DSP: variants seen among roughly 807,000 people sequenced by gnomAD.
The protein encoded by DSP is desmoplakin.
A neutral mutation model predicts 290.6 loss-of-function variants in DSP; 114 were observed. The ratio of observed to expected loss-of-function variants is 0.39; its 90% confidence interval spans 0.34 to 0.46. The LOEUF (loss-of-function observed/expected upper bound fraction) is 0.46. Ranked by LOEUF, DSP falls within the 20% of genes least tolerant of loss-of-function variation. The pLI is 0.99. For synonymous variants in DSP, 1,311 were observed against 1,316.4 expected (o/e 1.00, Z 0.09); for missense variants, 3,230 against 3,495.8 (o/e 0.92, Z 1.92).
rs1369143334 is a variant in DSP, at chr6:7,542,926, T to G, written c.170+841T>G. Among the ~76,000 whole-genome samples, 20 of 136,698 alleles carry G rather than the reference T, an allele frequency of 1.5e-4. 1 individual carries two copies. The highest frequency in any genetic ancestry group is 5.2e-4 in the African/African-American group (19 of 36,748). 89.7% of individuals were successfully genotyped at this position (136,698 alleles called of 152,430 possible). On this transcript the variant is annotated intron_variant, in intron 1 of 23. Transcript: ENST00000379802. The stretch of plus-strand genomic sequence containing the variant: ...CGCATGTCTGCTTTGATCCAGAATG[T>G]GTGGGCAGGGGAGTGGGGGGGTGGG...
At chr6:7,573,140 TTATATG>T (rs749798867) in intron 15 of DSP, among the ~76,000 whole-genome samples, 3 of 146,482 alleles carry the variant, frequency 2.0e-5, no homozygotes, top group Non-Finnish European at 3.1e-5. Context: ...GTGTGTGTGT[TTATATG>T]TATGTATGTA....
chr6:7,562,603 T>C (rs1758730159), intron 4 of DSP, 49 bp from the exon 5 acceptor site: 4 of 1,612,604 alleles, frequency 2.5e-6, no homozygotes, highest in Non-Finnish European at 3.4e-6. Context: ...GTGAAACAGG[T>C]GCAAAGGGGC....
Position 7,581,203 on chromosome 6 carries a change from A to G in DSP, c.5013A>G (p.Glu1671=). The G allele has an allele frequency of 6.2e-7, 1 of 1,614,206 alleles. No homozygotes were observed. Among genetic ancestry groups the G allele is most frequent in the African/African-American group, 1.3e-5 (1 of 75,070 alleles). ...VEALRRQLLQ[E]QESVKQAHLR... is the part of the protein sequence containing the mutation. ...CCCTGAGGCGGCAGTTACTCCAGGA[A>G]CAGGAAAGTGTCAAACAAGCTCACT... Residue 1671 remains glutamate, a synonymous_variant, in exon 23 of 24, where the codon GAA becomes GAG. Coordinates refer to ENST00000379802, the MANE Select transcript of DSP (RefSeq NM_004415.4).
intron 15 of DSP, among the ~76,000 whole-genome samples, chr6:7,572,879 G>A (rs1026456845): frequency 6.6e-6 from 1 of 152,202 alleles, no homozygotes; most frequent in African/African-American, 2.4e-5. Context: ...GCATGTGACT[G>A]TCCTAAATAC....
intron 3 of DSP, 89 bp from the exon 4 acceptor site, chr6:7,559,137 A>T: frequency 6.9e-7 from 1 of 1,452,548 alleles, no homozygotes; most frequent in Non-Finnish European, 9.6e-7. Flanking sequence ...CTCTATTGAC[A>T]CAAAAGACTC....
intron 1 of DSP, among the ~76,000 whole-genome samples, chr6:7,542,820 T>G (rs1303134849): frequency 6.6e-6 from 1 of 152,164 alleles, no homozygotes; most frequent in African/African-American, 2.4e-5. Flanking sequence ...CCTGGGGCCC[T>G]GCCTCTGAGC....
At chr6:7,551,490 G>A (rs529283222) in intron 1 of DSP, among the ~76,000 whole-genome samples, 4 of 152,044 alleles carry the variant, frequency 2.6e-5, no homozygotes, top group African/African-American at 7.2e-5. Context: ...TTAGCTTTGC[G>A]TGGTGGCAGT....
intron 4 of DSP, among the ~76,000 whole-genome samples, chr6:7,562,190 A>G (rs1490360158): frequency 1.3e-5 from 2 of 152,182 alleles, no homozygotes; most frequent in African/African-American, 2.4e-5. Context: ...AAAGAAATAA[A>G]CAATGAAAGA....
intron 4 of DSP, among the ~76,000 whole-genome samples, chr6:7,562,234 G>C (rs1473763142): frequency 2.0e-5 from 3 of 152,030 alleles, no homozygotes; most frequent in African/African-American, 7.3e-5. Context: ...TTGGGGAACA[G>C]TGTATGATTG....
chr6:7,585,182 C>T lies in DSP; in HGVS notation c.7920C>T (p.Gly2640=), dbSNP rs770447003. 4 of 1,614,152 alleles carry T rather than the reference C, an allele frequency of 2.5e-6. No individual in the cohort carries two copies. The highest frequency in any genetic ancestry group is 3.4e-6 in the Non-Finnish European group (4 of 1,180,040). The change falls in exon 24 of 24, where the codon GGC becomes GGT. Residue 2640 remains glycine (G), a synonymous_variant. Coordinates refer to ENST00000379802, the MANE Select transcript of DSP (RefSeq NM_004415.4). The part of the protein sequence containing the change: ...KISITEGIER[G]IVDSITGQRL... ...CCATTACAGAAGGTATAGAGCGGGG[C>T]ATCGTTGACAGCATCACGGGTCAGA... is the stretch of plus-strand genomic sequence containing the variant.
chr6:7,549,968 ATT>A (rs1274748761), intron 1 of DSP, among the ~76,000 whole-genome samples: 1 of 152,034 alleles, frequency 6.6e-6, no homozygotes, highest in African/African-American at 2.4e-5. Flanking sequence ...TCTTTGAAAT[ATT>A]TGTCTTGTTT....
intron 2 of DSP, among the ~76,000 whole-genome samples, chr6:7,556,913 TAC>T (rs140288085): frequency 6.6e-6 from 1 of 152,056 alleles, no homozygotes; most frequent in Non-Finnish European, 1.5e-5. Context: ...ATAGTGAACA[TAC>T]ACACACACAC....
chr6:7,582,815 G>A lies in DSP; in HGVS notation c.5553G>A (p.Gln1851=), dbSNP rs1259972571. Reference sequence around the variant, plus strand: ...TAGAGGCAGAAACCAGGGTGAAACAGCGCCTGGAGTGTGAGAAACAGCAAA... The same window carrying A: ...TAGAGGCAGAAACCAGGGTGAAACAACGCCTGGAGTGTGAGAAACAGCAAA... The part of the protein sequence containing the change: ...STLEAETRVK[Q]RLECEKQQIQ... The change falls in exon 24 of 24, where the codon CAG becomes CAA. Residue 1851 remains glutamine (Q), a synonymous_variant. Coordinates refer to ENST00000379802, the MANE Select transcript of DSP (RefSeq NM_004415.4). This position sits in a 1 kb window ranked among gnomAD's most constrained non-coding sequence, Gnocchi z 4.2. The A allele has an allele frequency of 6.2e-7, 1 of 1,614,128 alleles. No individual in the cohort carries two copies. The highest frequency in any genetic ancestry group is 8.5e-7 in the Non-Finnish European group (1 of 1,180,034).
rs1009533375 is a variant in DSP, at chr6:7,574,871, A to G, written c.2436+76A>G. On this transcript the variant is annotated intron_variant, in intron 17 of 23. Coordinates refer to ENST00000379802, the MANE Select transcript of DSP (RefSeq NM_004415.4). ...TCTGAGCTCCCAATTATAAAGCCTCACTGGGTTTTCATGAGTTTTGAGGAT... is the reference window on the plus strand; with the variant it reads ...TCTGAGCTCCCAATTATAAAGCCTCGCTGGGTTTTCATGAGTTTTGAGGAT... The G allele has an allele frequency of 5.0e-6, 8 of 1,603,998 alleles. No individual in the cohort carries two copies. The African/African-American group carries it at 8.0e-5, about 16-fold the overall frequency.
rs1423939369 is a variant in DSP at position 7,585,387 on chromosome 6, G to A, written c.8125G>A (p.Ala2709Thr). Residue 2709 changes from alanine to threonine, a missense_variant, in exon 24 of 24, where the codon GCA becomes ACA. Around this residue, in one of 5 missense-constraint regions of DSP, gnomAD observed 582 missense variants for 555.4 expected, o/e 1.05. Coordinates refer to ENST00000379802, the MANE Select transcript of DSP (RefSeq NM_004415.4). ...TGTGAAGGGAAAGAAGAAGATGTCA[G>A]CAGCAGAGGCAGTGAAAGAAAAATG... ...EGVKGKKKMS[A>T]AEAVKEKWLP... The A allele has an allele frequency of 3.1e-6, 5 of 1,614,164 alleles. No individual in the cohort carries two copies. In the East Asian group the frequency reaches 1.1e-4, roughly 36 times the overall value.
rs1758843700 is a variant in DSP at position 7,565,749 on chromosome 6, C to T, written c.939+229C>T. ...GAAAACCAAATACCACATGTTCTCA[C>T]TTAGGAGTGGGAACTAAATGATGAG... On this transcript the variant is annotated intron_variant, in intron 7 of 23. Transcript: ENST00000379802. The surrounding 1 kb of genome is among the most constrained non-coding windows in gnomAD (Gnocchi z 4.2). The T allele has an allele frequency of 1.8e-6, 1 of 547,776 alleles. No individual in the cohort carries two copies. Among genetic ancestry groups the T allele is most frequent in the Non-Finnish European group, 3.3e-6 (1 of 306,226 alleles). The allele number at this position is 547,776 out of a possible 1,614,324, so 33.9% of individuals were successfully genotyped here.
chr6:7,565,993 A>T lies in DSP; in HGVS notation c.940-384A>T, dbSNP rs1419324453. 3.3e-5 allele frequency among the ~76,000 whole-genome samples: 5 copies of T among 152,246 alleles called. No individual in the cohort carries two copies. Among genetic ancestry groups the T allele is most frequent in the African/African-American group, 7.2e-5 (3 of 41,466 alleles). On this transcript the variant is annotated intron_variant, in intron 7 of 23. Transcript: ENST00000379802. The surrounding 1 kb of genome is among the most constrained non-coding windows in gnomAD (Gnocchi z 4.2). Reference sequence around the variant, plus strand: ...TGAACTTAAAATAAAAGTTAAAAAGAAAAAGAGGGGCAATACCTTGTTTAA... The same window carrying T: ...TGAACTTAAAATAAAAGTTAAAAAGTAAAAGAGGGGCAATACCTTGTTTAA...
In DSP at chr6:7,562,755, A is replaced by G. The variant is rs1758740404; in HGVS notation, c.701A>G (p.Gln234Arg). The change falls in exon 5 of 24, where the codon CAG (glutamine) becomes CGG (arginine). Residue 234 changes from glutamine (Q) to arginine (R), a missense_variant. By Grantham distance (43) the Gln-to-Arg change is conservative (BLOSUM62 1). Coordinates refer to ENST00000379802, the MANE Select transcript of DSP (RefSeq NM_004415.4). The part of the protein sequence containing the change: ...IHNSIGDYRW[Q>R]LDKIKADLRE... ...AACTCCATCGGCGACTATCGCTGGC[A>G]GCTGGACAAAATCAAAGCCGACCTG... 1.9e-6 allele frequency: 3 copies of G among 1,614,070 alleles called. No homozygotes were observed. The highest frequency in any genetic ancestry group is 2.2e-5 in the East Asian group (1 of 44,896).
At chr6:7,562,167 A>T (rs963090985) in intron 4 of DSP, among the ~76,000 whole-genome samples, 2 of 152,222 alleles carry the variant, frequency 1.3e-5, no homozygotes, top group Admixed American at 6.5e-5. Flanking sequence ...AATTACATCC[A>T]TCAAGACAAT....
Sources: gnomAD v4.1 joint callset for allele counts (sites outside exome capture counted in the v4.1 genomes callset) on GRCh38, gnomAD v4.1.1 for gene constraint, gnomAD v4.1.1 regional missense constraint, Gnocchi (gnomAD v3.1) non-coding constraint, MANE v1.5 for transcripts, NCBI Gene and HGNC (gene_info 2026-07-23, HGNC 2026-07-21) for gene names.